CSMD1: variants seen among roughly 807,000 people sequenced by gnomAD.
CSMD1 encodes the protein CUB and sushi domain-containing protein 1.
Under a neutral mutation model 417.5 loss-of-function variants are expected in CSMD1, and 213 were observed. That is an observed-to-expected ratio of 0.51 (90% CI 0.46 to 0.57). CSMD1 has a LOEUF of 0.57. Ranked by LOEUF, CSMD1 falls within the 20% of genes least tolerant of loss-of-function variation. The pLI is 0.00. For missense variants in CSMD1, 6,923 were observed against 4,529.7 expected (o/e 1.53, Z -15.17); for synonymous variants, 2,862 against 1,736.8 (o/e 1.65, Z -16.11).
At chr8:3,302,843 A>C (rs1804522746) in intron 25 of CSMD1, among the ~76,000 whole-genome samples, 1 of 152,140 alleles carries the variant, frequency 6.6e-6, no homozygotes. Context: ...GGTGTTATTT[A>C]ACTAATCTGT....
chr8:3,471,939 G>C (rs979519327), intron 11 of CSMD1, among the ~76,000 whole-genome samples: 2 of 152,074 alleles, frequency 1.3e-5, no homozygotes, highest in African/African-American at 4.8e-5. Context: ...GAGTCGAGGA[G>C]AGTGTTTTCC....
chr8:4,178,009 G>A (rs971141246), intron 3 of CSMD1, among the ~76,000 whole-genome samples: 9 of 152,098 alleles, frequency 5.9e-5, no homozygotes, highest in African/African-American at 1.9e-4. Context: ...TTACAAGGAG[G>A]AACTAGTACC....
chr8:3,026,214 C>T (rs140145203), intron 51 of CSMD1, among the ~76,000 whole-genome samples: 1,644 of 152,176 alleles, frequency 0.011, 32 homozygotes, highest in African/African-American at 0.037. Context: ...GGACAGAGGG[C>T]CAGGAGCTTA....
At chr8:4,486,431 T>C (rs1230044565) in intron 2 of CSMD1, among the ~76,000 whole-genome samples, 1 of 151,378 alleles carries the variant, frequency 6.6e-6, no homozygotes, top group East Asian at 1.9e-4. Context: ...TTAATTATAA[T>C]ATAGTTGTGA....
chr8:4,144,958 A>T (rs1233439369), intron 3 of CSMD1, among the ~76,000 whole-genome samples: 1 of 151,060 alleles, frequency 6.6e-6, no homozygotes, highest in Admixed American at 6.6e-5. Flanking sequence ...TCTAACTTGA[A>T]AACAGAAGGG....
chr8:4,925,696 G>C (rs375720413), intron 1 of CSMD1, among the ~76,000 whole-genome samples: 1 of 151,902 alleles, frequency 6.6e-6, no homozygotes, highest in African/African-American at 2.4e-5. Context: ...ACAGGCGCCC[G>C]CCACCACGCA....
At chr8:4,372,645 AAAAT>A (rs755936194) in intron 3 of CSMD1, among the ~76,000 whole-genome samples, 12 of 140,734 alleles carry the variant, frequency 8.5e-5, no homozygotes, top group Non-Finnish European at 3.1e-5. Flanking sequence ...AAAAAAAAAA[AAAAT>A]CACAAACAAA....
chr8:3,491,750 G>C (rs1316269471), intron 11 of CSMD1, among the ~76,000 whole-genome samples: 1 of 152,208 alleles, frequency 6.6e-6, no homozygotes, highest in Non-Finnish European at 1.5e-5. Context: ...GAGTATAACA[G>C]ACTGCATCTT....
At chr8:3,185,578 G>A (rs1241563128) in intron 36 of CSMD1, among the ~76,000 whole-genome samples, 2 of 152,120 alleles carry the variant, frequency 1.3e-5, no homozygotes, top group African/African-American at 4.8e-5. Context: ...CTAATATTAG[G>A]ATATATGAAA....
At chr8:2,960,951 T>TATATATATATATATATATATATATAC (rs1554472466) in intron 62 of CSMD1, among the ~76,000 whole-genome samples, 190 bp downstream of exon 62, 16 of 99,490 alleles carry the variant, frequency 1.6e-4, no homozygotes, top group African/African-American at 9.7e-4. Context: ...TATATATATA[T>TATATATATATATATATATATATATAC]ATATATATAT....
chr8:4,380,094 G>A (rs943893989), intron 3 of CSMD1, among the ~76,000 whole-genome samples: 14 of 152,062 alleles, frequency 9.2e-5, no homozygotes, highest in Non-Finnish European at 1.9e-4. Context: ...AAAGTAAATG[G>A]GAGAAAAATA....
Position 3,558,622 on chromosome 8 carries a change from G to GAACGGTGTCTC in CSMD1, c.1344+16322_1344+16323insGAGACACCGTT, listed in dbSNP as rs1799319095. On this transcript the variant is annotated intron_variant, in intron 10 of 69. Transcript: ENST00000635120. ...ACCCCGTGTCCACTCCTCCAATGAT[G>GAACGGTGTCTC]AATAGTGCCTCAATAGTACCCCGTG... Among the ~76,000 whole-genome samples the GAACGGTGTCTC allele has an allele frequency of 2.2e-5, 3 of 134,634 alleles. No homozygotes were observed. The Admixed American group carries it at 2.4e-4, about 11-fold the overall frequency. The allele number at this position is 134,634 out of a possible 152,430, so 88.3% of individuals were successfully genotyped here. A position where few individuals can be genotyped will look rare whatever the true frequency, so the allele number is the denominator to read the frequency against.
At chr8:3,337,512 A>G (rs1355942618) in intron 23 of CSMD1, among the ~76,000 whole-genome samples, 1 of 152,126 alleles carries the variant, frequency 6.6e-6, no homozygotes. Flanking sequence ...AAACAATGAG[A>G]TAGGTGTAAA....
intron 21 of CSMD1, among the ~76,000 whole-genome samples, chr8:3,350,543 C>G (rs1169892124): frequency 2.6e-5 from 4 of 152,056 alleles, no homozygotes; most frequent in South Asian, 2.1e-4. Flanking sequence ...CTTACATGTA[C>G]TTTAAAATTA....
intron 8 of CSMD1, chr8:3,613,173 A>T (rs865808759): frequency 5.4e-6 from 1 of 185,930 alleles, no homozygotes; most frequent in Middle Eastern, 1.1e-3. Flanking sequence ...ATTAAAATTT[A>T]TAATTTCTTG....
At chr8:4,759,993 C>G (rs1490385737) in intron 1 of CSMD1, among the ~76,000 whole-genome samples, 1 of 152,190 alleles carries the variant, frequency 6.6e-6, no homozygotes, top group East Asian at 1.9e-4. Context: ...ACCACAGTGT[C>G]TTCCACAATG....
chr8:4,243,174 G>C (rs1038360613), intron 3 of CSMD1, among the ~76,000 whole-genome samples: 1 of 152,152 alleles, frequency 6.6e-6, no homozygotes, highest in South Asian at 2.1e-4. Context: ...TTGCATGGAA[G>C]CCTCTGCTCT....
chr8:4,006,690 T>C (rs1274787144), intron 4 of CSMD1, among the ~76,000 whole-genome samples: 1 of 152,212 alleles, frequency 6.6e-6, no homozygotes, highest in Non-Finnish European at 1.5e-5. Context: ...CACATGCAGA[T>C]GGCAATGTCA....
intron 5 of CSMD1, among the ~76,000 whole-genome samples, chr8:3,800,896 C>G (rs1453945044): frequency 6.6e-6 from 1 of 152,114 alleles, no homozygotes; most frequent in Non-Finnish European, 1.5e-5. Context: ...TGGCCCCCAA[C>G]AACCATGAGT....
Sources: allele counts gnomAD v4.1 joint callset (sites outside exome capture counted in the v4.1 genomes callset), GRCh38; gene constraint gnomAD v4.1.1; transcripts MANE v1.5; gene names NCBI Gene and HGNC (gene_info 2026-07-23, HGNC 2026-07-21).